SYT12: variants seen among roughly 807,000 people sequenced by gnomAD.
SYT12 encodes the protein synaptotagmin-12.
SYT12 carries 27 observed loss-of-function variants against 39.5 expected under a neutral mutation model. The observed-to-expected ratio is 0.68, with a 90% CI of 0.50 to 0.94. The LOEUF is 0.94. SYT12 is among the 40% of genes least tolerant of loss of function. The pLI is 0.00. For missense variants in SYT12, 536 were observed against 572.6 expected, an observed-to-expected ratio of 0.94 and a Z score of 0.65; for synonymous variants, 233 against 239.7, an observed-to-expected ratio of 0.97 and a Z score of 0.26.
At position 67,050,604 on chromosome 11, in the gene SYT12, A is replaced by T. The variant is rs1485525745; in HGVS notation, c.*1847A>T. 6.6e-6 allele frequency: 1 copy of T among 152,566 alleles called. No individual in the cohort carries two copies. Among genetic ancestry groups the T allele is most frequent in the Non-Finnish European group, 1.5e-5 (1 of 68,354 alleles). 9.5% of individuals were successfully genotyped at this position (152,566 alleles called of 1,614,324 possible). On this transcript the variant is annotated 3_prime_UTR_variant, in exon 8 of 8. Coordinates refer to ENST00000527043, the MANE Select transcript of SYT12 (RefSeq NM_177963.4). Reference sequence around the variant, plus strand: ...GGGCCAGGAGACACATGGCTGGACAAGGCTTTGCAGCCTGGGAGACCCCGA... The same window carrying T: ...GGGCCAGGAGACACATGGCTGGACATGGCTTTGCAGCCTGGGAGACCCCGA...
chr11:67,033,807 G>C (rs1950312431), intron 2 of SYT12, among the ~76,000 whole-genome samples: 1 of 152,192 alleles, frequency 6.6e-6, no homozygotes, highest in African/African-American at 2.4e-5. Context: ...CCTGGGAGAG[G>C]GAGGCAAAAC....
At chr11:67,011,081 A>G (rs1456316055) in intron 3 of SYT12, 1 of 152,188 alleles carries the variant, frequency 6.6e-6, no homozygotes, top group Non-Finnish European at 1.5e-5. Flanking sequence ...AACTTTAGCT[A>G]GGTGCAGTAG....
rs544576446 is a variant in SYT12, at chr11:67,049,999, T to C, written c.*1242T>C. On this transcript the variant is annotated 3_prime_UTR_variant, in exon 8 of 8. Transcript: ENST00000527043. Reference sequence around the variant, plus strand: ...GCGGGTGAGTGTTCTCAGAGAAACTTACCAGATCAAGAAAGGGAGCTCAGG... The same window carrying C: ...GCGGGTGAGTGTTCTCAGAGAAACTCACCAGATCAAGAAAGGGAGCTCAGG... The C allele has an allele frequency of 2.6e-4, 40 of 152,220 alleles. No individual in the cohort carries two copies. The highest frequency in any genetic ancestry group is 8.4e-4 in the African/African-American group (35 of 41,500). 9.4% of individuals were successfully genotyped at this position (152,220 alleles called of 1,614,324 possible).
chr11:67,036,073 C>A (rs995821320), intron 3 of SYT12, among the ~76,000 whole-genome samples: 1 of 151,286 alleles, frequency 6.6e-6, no homozygotes, highest in African/African-American at 2.4e-5. Context: ...AGCCACCATG[C>A]CTAGCTAATT....
intron 3 of SYT12, among the ~76,000 whole-genome samples, chr11:67,015,023 G>A (rs978963234): frequency 4.6e-5 from 7 of 152,184 alleles, no homozygotes; most frequent in Non-Finnish European, 7.3e-5. Flanking sequence ...TTTGTCTAGT[G>A]CCAAACTTTC....
chr11:67,048,938 G>A lies in SYT12; in HGVS notation c.*181G>A. On this transcript the variant is annotated 3_prime_UTR_variant, in exon 8 of 8. Coordinates refer to ENST00000527043, the MANE Select transcript of SYT12 (RefSeq NM_177963.4). Reference sequence around the variant, plus strand: ...AGCAGAGGAGTGGGCGTGGCTCTGTGTCCAGGGCCCCAGGGTCTGCTCCTG... The same window carrying A: ...AGCAGAGGAGTGGGCGTGGCTCTGTATCCAGGGCCCCAGGGTCTGCTCCTG... The A allele has an allele frequency of 7.3e-6, 5 of 689,534 alleles. No homozygotes were observed. Among genetic ancestry groups the A allele is most frequent in the Non-Finnish European group, 1.2e-5 (5 of 431,376 alleles). 42.7% of individuals were successfully genotyped at this position (689,534 alleles called of 1,614,324 possible). A position where few individuals can be genotyped will look rare whatever the true frequency, so the allele number is the denominator to read the frequency against.
chr11:67,031,325 C>A (rs954249573), intron 2 of SYT12: 2 of 152,672 alleles, frequency 1.3e-5, no homozygotes, highest in African/African-American at 4.8e-5. Context: ...GTCCTGGAGT[C>A]CTTCCCTGCC....
chr11:67,039,257 C>G (rs537544932), intron 3 of SYT12, among the ~76,000 whole-genome samples: 3 of 151,352 alleles, frequency 2.0e-5, no homozygotes, highest in African/African-American at 7.3e-5. Flanking sequence ...GAATGGAGAT[C>G]GAGCCACTGC....
At chr11:67,039,680 A>T in intron 3 of SYT12, 131 bp from the exon 4 acceptor site, 1 of 1,121,152 alleles carries the variant, frequency 8.9e-7, no homozygotes, top group Admixed American at 2.3e-5. Flanking sequence ...TAGCTAAGGG[A>T]TGCAGGGCTT....
chr11:67,016,740 T>C (rs1357712600), intron 3 of SYT12, among the ~76,000 whole-genome samples: 2 of 152,116 alleles, frequency 1.3e-5, no homozygotes, highest in African/African-American at 4.8e-5. Flanking sequence ...GGAGCTATGC[T>C]CGTGCCCATG....
At chr11:67,036,459 G>A (rs987424734) in intron 3 of SYT12, among the ~76,000 whole-genome samples, 4 of 152,114 alleles carry the variant, frequency 2.6e-5, no homozygotes, top group Admixed American at 6.5e-5. Flanking sequence ...CATTCTTAGG[G>A]CTCTCACTAT....
chr11:67,008,772 C>T (rs778439234), intron 1 of SYT12, among the ~76,000 whole-genome samples: 3 of 151,940 alleles, frequency 2.0e-5, no homozygotes, highest in Non-Finnish European at 4.4e-5. Context: ...GAACTCCTGA[C>T]CTCATGTGAT....
At chr11:67,008,250 G>A (rs7123934) in intron 1 of SYT12, among the ~76,000 whole-genome samples, 5,421 of 152,042 alleles carry the variant, frequency 0.036, 317 homozygotes, top group African/African-American at 0.12. Context: ...CATCACACCC[G>A]GCCAGGAAGC....
chr11:67,043,909 C>T (rs1950562239), intron 5 of SYT12, 56 bp downstream of exon 5: 1 of 1,495,980 alleles, frequency 6.7e-7, no homozygotes, highest in Non-Finnish European at 9.2e-7. Flanking sequence ...CATACACTTC[C>T]AGGAAGGGAC....
intron 2 of SYT12, chr11:67,032,139 G>A (rs1031324448): frequency 3.3e-5 from 5 of 152,246 alleles, no homozygotes; most frequent in African/African-American, 1.2e-4. Flanking sequence ...CACGTCACAC[G>A]ATTGCGTGAT....
intron 3 of SYT12, among the ~76,000 whole-genome samples, chr11:67,015,612 C>G (rs980482991): frequency 6.6e-6 from 1 of 152,186 alleles, no homozygotes; most frequent in African/African-American, 2.4e-5. Context: ...CAGGGATTTT[C>G]GCTGTCCTGG....
intron 4 of SYT12, 71 bp from the exon 5 acceptor site, chr11:67,043,567 C>T: frequency 6.9e-7 from 1 of 1,443,566 alleles, no homozygotes; most frequent in South Asian, 1.2e-5. Flanking sequence ...CTCTGGACTC[C>T]CTGTCCAGTG....
intron 3 of SYT12, among the ~76,000 whole-genome samples, chr11:67,015,435 A>T (rs1345438785): frequency 6.6e-6 from 1 of 152,124 alleles, no homozygotes; most frequent in Non-Finnish European, 1.5e-5. Context: ...AGCTGCTTCC[A>T]GGGGCCACAT....
At chr11:67,035,829 C>CTTT (rs1565337351) in intron 3 of SYT12, among the ~76,000 whole-genome samples, 4 of 99,854 alleles carry the variant, frequency 4.0e-5, no homozygotes, top group East Asian at 3.0e-4. Context: ...TTCCTTCCTT[C>CTTT]CTTCCTTCCT....
Sources: allele counts gnomAD v4.1 joint callset (sites outside exome capture counted in the v4.1 genomes callset), GRCh38; gene constraint gnomAD v4.1.1; transcripts MANE v1.5; gene names NCBI Gene and HGNC (gene_info 2026-07-23, HGNC 2026-07-21).